CCDC3: variants seen among roughly 807,000 people sequenced by gnomAD.
The protein encoded by CCDC3 is coiled-coil domain-containing protein 3.
A neutral mutation model predicts 21.4 loss-of-function variants in CCDC3; 24 were observed. That is an observed-to-expected ratio of 1.12 (90% CI 0.81 to 1.58). The LOEUF (loss-of-function observed/expected upper bound fraction) is 1.58. Ranked by LOEUF, CCDC3 falls within the 40% of genes most tolerant of loss-of-function variation. The pLI is 0.00. For synonymous variants in CCDC3, 186 were observed against 166.0 expected (o/e 1.12, Z -0.93); for missense variants, 425 against 360.9 (o/e 1.18, Z -1.44).
At chr10:12,980,867 TCTATCTC>T (rs772173370) in intron 2 of CCDC3, among the ~76,000 whole-genome samples, 3 of 151,888 alleles carry the variant, frequency 2.0e-5, no homozygotes, top group Non-Finnish European at 1.5e-5. Flanking sequence ...CTCAGAATCT[TCTATCTC>T]CTAGACTGCA....
chr10:12,927,528 T>G (rs1834563606), intron 2 of CCDC3, among the ~76,000 whole-genome samples: 2 of 152,252 alleles, frequency 1.3e-5, no homozygotes, highest in South Asian at 4.1e-4. Context: ...TTTTTTGTTG[T>G]TTTTGTAAAG....
Position 12,950,132 on chromosome 10 carries a change from G to C in CCDC3, c.549+48206C>G, listed in dbSNP as rs557047366. ...CCTGCATCTACTGTTCTCTCTCCTTGTAAAAGCTTTCCTTGCCCAATCCAG... is the reference window on the plus strand; with the variant it reads ...CCTGCATCTACTGTTCTCTCTCCTTCTAAAAGCTTTCCTTGCCCAATCCAG... On this transcript the variant is annotated intron_variant, in intron 2 of 2. Coordinates refer to ENST00000378825, the MANE Select transcript of CCDC3 (RefSeq NM_031455.4). Among the ~76,000 whole-genome samples, 264 of 152,200 alleles carry C rather than the reference G, an allele frequency of 1.7e-3. 1 individual carries two copies. Among genetic ancestry groups the C allele is most frequent in the Non-Finnish European group, 3.0e-3 (202 of 68,018 alleles).
chr10:12,966,402 T>C (rs1444080714), intron 2 of CCDC3, among the ~76,000 whole-genome samples: 2 of 152,084 alleles, frequency 1.3e-5, no homozygotes, highest in African/African-American at 4.8e-5. Context: ...TAATGAGTCT[T>C]GCATTACAAG....
chr10:13,009,785 A>C (rs779022563), intron 5 of CCDC3, among the ~76,000 whole-genome samples: 6 of 152,226 alleles, frequency 3.9e-5, no homozygotes, highest in Non-Finnish European at 8.8e-5. Context: ...ACCTAAAACT[A>C]TAAAACATCT....
intron 2 of CCDC3, among the ~76,000 whole-genome samples, chr10:12,924,228 C>G (rs1368740571): frequency 6.6e-6 from 1 of 152,226 alleles, no homozygotes; most frequent in Non-Finnish European, 1.5e-5. Context: ...TGTCTCTAAA[C>G]CACTGAGACC....
intron 5 of CCDC3, among the ~76,000 whole-genome samples, chr10:13,016,594 G>T (rs1836065437): frequency 6.6e-6 from 1 of 151,938 alleles, no homozygotes; most frequent in African/African-American, 2.4e-5. Context: ...AGTCCCGGAG[G>T]TTGAATCCCT....
intron 2 of CCDC3, among the ~76,000 whole-genome samples, chr10:12,961,288 C>T (rs1450077191): frequency 6.6e-6 from 1 of 152,184 alleles, no homozygotes; most frequent in East Asian, 1.9e-4. Context: ...AATCTAGCAT[C>T]CCAAGAGCCT....
intron 2 of CCDC3, among the ~76,000 whole-genome samples, chr10:12,941,148 G>T (rs7083724): frequency 2.0e-5 from 3 of 151,756 alleles, no homozygotes; most frequent in Admixed American, 6.6e-5. Flanking sequence ...GTAAACAAGC[G>T]GCTAAAACCA....
intron 2 of CCDC3, among the ~76,000 whole-genome samples, chr10:12,946,990 C>T (rs1048905281): frequency 8.5e-5 from 13 of 152,144 alleles, no homozygotes; most frequent in African/African-American, 3.1e-4. Context: ...CAGAGGCCAG[C>T]TCTCTTATTG....
intron 5 of CCDC3, among the ~76,000 whole-genome samples, chr10:13,017,982 T>C (rs548502890): frequency 2.0e-5 from 3 of 151,814 alleles, no homozygotes; most frequent in African/African-American, 2.4e-5. Flanking sequence ...CTCAGGTGGG[T>C]CCCTAAAATG....
chr10:13,096,779 G>GTGC (rs1233997609), intron 3 of CCDC3, among the ~76,000 whole-genome samples: 1 of 152,154 alleles, frequency 6.6e-6, no homozygotes, highest in African/African-American at 2.4e-5. Context: ...GTCTGTCTGG[G>GTGC]TGCTGCAGGG....
At chr10:13,058,052 C>G in intron 4 of CCDC3, 1 of 748,778 alleles carries the variant, frequency 1.3e-6, no homozygotes, top group South Asian at 1.4e-5. Flanking sequence ...CATTAAGTAG[C>G]ACATGTAATC....
intron 2 of CCDC3, among the ~76,000 whole-genome samples, chr10:12,990,985 C>G (rs997730738): frequency 6.6e-6 from 1 of 152,252 alleles, no homozygotes; most frequent in Non-Finnish European, 1.5e-5. Flanking sequence ...AGACACTTAA[C>G]AGGTGCTCAA....
intron 4 of CCDC3, among the ~76,000 whole-genome samples, chr10:13,061,307 C>A (rs1369726180): frequency 6.6e-6 from 1 of 152,178 alleles, no homozygotes; most frequent in African/African-American, 2.4e-5. Flanking sequence ...TGATGATCTA[C>A]CTAACAGTGT....
At position 12,896,644 on chromosome 10, in the gene CCDC3, T is replaced by C. The variant is rs544220677; in HGVS notation, c.*1772A>G. 2 of 152,746 alleles carry C rather than the reference T, an allele frequency of 1.3e-5. No individual in the cohort carries two copies. The highest frequency in any genetic ancestry group is 1.3e-4 in the Admixed American group (2 of 15,294). 9.5% of individuals were successfully genotyped at this position (152,746 alleles called of 1,614,324 possible). A position where few individuals can be genotyped will look rare whatever the true frequency, so the allele number is the denominator to read the frequency against. ...TCACTGTTGTGGTTGAAATCGCCGC[T>C]CGTATTTATTGGAAAAGCAGAACAG... On this transcript the variant is annotated 3_prime_UTR_variant, in exon 3 of 3. Coordinates refer to ENST00000378825, the MANE Select transcript of CCDC3 (RefSeq NM_031455.4).
chr10:13,090,070 T>C (rs1413474407), intron 3 of CCDC3, among the ~76,000 whole-genome samples: 1 of 112,208 alleles, frequency 8.9e-6, no homozygotes, highest in Admixed American at 9.0e-5. Context: ...TATATATATA[T>C]ATATATATCA....
At chr10:13,004,203 A>G (rs1029265977), upstream of CCDC3, among the ~76,000 whole-genome samples, 3 of 152,222 alleles carry the variant, frequency 2.0e-5, no homozygotes, top group Non-Finnish European at 4.4e-5. Flanking sequence ...AAGCACACAC[A>G]GTAAGTACAC....
At chr10:12,987,194 G>A (rs1229078228) in intron 2 of CCDC3, among the ~76,000 whole-genome samples, 3 of 152,136 alleles carry the variant, frequency 2.0e-5, no homozygotes, top group Non-Finnish European at 4.4e-5. Flanking sequence ...CCCATTTCCT[G>A]TGGCCCAGCA....
chr10:12,993,637 G>T (rs1159529167), intron 2 of CCDC3, among the ~76,000 whole-genome samples: 2 of 152,162 alleles, frequency 1.3e-5, no homozygotes, highest in East Asian at 3.9e-4. Flanking sequence ...AAATGTCCTT[G>T]GCTGGTGTGG....
Sources: allele counts gnomAD v4.1 joint callset (sites outside exome capture counted in the v4.1 genomes callset), GRCh38; gene constraint gnomAD v4.1.1; transcripts MANE v1.5; gene names NCBI Gene and HGNC (gene_info 2026-07-23, HGNC 2026-07-21).